YBEY: variants seen among roughly 807,000 people sequenced by gnomAD.
YBEY encodes the protein ybeY metalloendoribonuclease, also known as endoribonuclease YbeY.
YBEY carries 15 observed loss-of-function variants against 13.5 expected under a neutral mutation model. The ratio of observed to expected loss-of-function variants is 1.11; its 90% CI spans 0.75 to 1.72. The LOEUF (loss-of-function observed/expected upper bound fraction) is 1.72. YBEY is among the 40% of genes most tolerant of loss of function. The pLI is 0.00. For synonymous variants in YBEY, 101 were observed against 83.1 expected (o/e 1.21, Z -1.17); for missense variants, 244 against 208.4 (o/e 1.17, Z -1.05).
Position 46,291,328 on chromosome 21 carries a change from T to G in YBEY, c.211-6T>G, listed in dbSNP as rs763700865. 3 of 1,614,054 alleles carry G rather than the reference T, an allele frequency of 1.9e-6. No individual in the cohort carries two copies. Among genetic ancestry groups the G allele is most frequent in the Non-Finnish European group, 2.5e-6 (3 of 1,179,990 alleles). ...TTCTCTAAGTCTACATTTCCTCATT[T>G]TTTAGCATCTGAAAGCAGGTGAATT... On this transcript the variant is annotated splice_polypyrimidine_tract_variant and splice_region_variant and intron_variant, in intron 2 of 4. Transcript: ENST00000397701.
At position 46,295,703 on chromosome 21, in the gene YBEY, CAG is replaced by C. The variant is rs374176214; in HGVS notation, c.340-458_340-457del. Among the ~76,000 whole-genome samples the C allele has an allele frequency of 4.0e-3, 474 of 117,904 alleles. 4 individuals are homozygous for C. The highest frequency in any genetic ancestry group is 0.016 in the African/African-American group (453 of 28,160). 77.3% of individuals were successfully genotyped at this position (117,904 alleles called of 152,430 possible). A position where few individuals can be genotyped will look rare whatever the true frequency, so the allele number is the denominator to read the frequency against. On this transcript the variant is annotated intron_variant, in intron 3 of 4. Transcript: ENST00000397701. ...CTCTACCCAGAGTGTTCAGTAAAAT[CAG>C]GGGCCACCGGAGGCCCCATCCTGAC...
intron 2 of YBEY, among the ~76,000 whole-genome samples, chr21:46,290,605 T>A (rs62226489): frequency 6.6e-6 from 1 of 151,478 alleles, no homozygotes; most frequent in Admixed American, 6.6e-5. Context: ...GCCTGAGACA[T>A]GCATCTTAAG....
At chr21:46,306,293 G>GGAGGCCA in the YBEY span, among the ~76,000 whole-genome samples, 3 of 152,096 alleles carry the variant, frequency 2.0e-5, no homozygotes, top group East Asian at 3.9e-4. Context: ...TGGATCATGA[G>GGAGGCCA]GTTCAAGACC....
At chr21:46,303,034 C>G in the YBEY span, among the ~76,000 whole-genome samples, 1 of 152,100 alleles carries the variant, frequency 6.6e-6, no homozygotes, top group African/African-American at 2.4e-5. Flanking sequence ...CGTGGTGGTT[C>G]AAGCCTGTAA....
intron 2 of YBEY, among the ~76,000 whole-genome samples, chr21:46,288,606 A>G (rs62226479): frequency 0.41 from 62,047 of 151,706 alleles, 13,235 homozygotes; most frequent in Admixed American, 0.48. Flanking sequence ...TTGAACCAGG[A>G]AGTCGGAGGT....
intron 2 of YBEY, among the ~76,000 whole-genome samples, chr21:46,288,406 A>G (rs1427372769): frequency 2.0e-5 from 3 of 152,178 alleles, no homozygotes; most frequent in South Asian, 2.1e-4. Flanking sequence ...GGCCGGGTGC[A>G]GTGGCTCACG....
rs200793300 is a variant in YBEY, at chr21:46,297,557, G to A, written c.427G>A (p.Ala143Thr). The A allele has an allele frequency of 1.4e-5, 20 of 1,395,120 alleles. No homozygotes were observed. The East Asian group carries it at 6.0e-4, about 42-fold the overall frequency. 86.4% of individuals were successfully genotyped at this position (1,395,120 alleles called of 1,614,324 possible). A position where few individuals can be genotyped will look rare whatever the true frequency, so the allele number is the denominator to read the frequency against. ...CTTCCAGATGTTCCAGAAGGAGAAG[G>A]CGGTGCTGGACGAGCTGGGCCGACG... is the stretch of plus-strand genomic sequence containing the variant. ...EWQQMFQKEK[A>T]VLDELGRRTG... The change falls in exon 5 of 5, where the codon GCG becomes ACG. Residue 143 changes from alanine to threonine, a missense_variant. Coordinates refer to ENST00000397701, the MANE Select transcript of YBEY (RefSeq NM_001314025.2).
chr21:46,296,212 G>A lies in YBEY; in HGVS notation c.390G>A (p.Thr130=), dbSNP rs144279527. 39 of 1,613,662 alleles carry A rather than the reference G, an allele frequency of 2.4e-5. No individual in the cohort carries two copies. Among genetic ancestry groups the A allele is most frequent in the Admixed American group, 1.0e-4 (6 of 60,014 alleles). The part of the protein sequence containing the change: ...LCHLLGFTHG[T]EAEWQQMFQK... Reference sequence around the variant, plus strand: ...ACTTGCTGGGATTCACACACGGCACGGAGGCAGAGTGGCAGCAGGTAAGGA... The same window carrying A: ...ACTTGCTGGGATTCACACACGGCACAGAGGCAGAGTGGCAGCAGGTAAGGA... Residue 130 remains threonine (T), a synonymous_variant, in exon 4 of 5, where the codon ACG becomes ACA. Coordinates refer to ENST00000397701, the MANE Select transcript of YBEY (RefSeq NM_001314025.2).
chr21:46,291,060 G>T (rs973724721), intron 2 of YBEY, among the ~76,000 whole-genome samples: 1 of 150,732 alleles, frequency 6.6e-6, no homozygotes, highest in Non-Finnish European at 1.5e-5. Flanking sequence ...AGCTGGGCAC[G>T]GTGGCATGCA....
At chr21:46,308,706 G>T in the YBEY span, among the ~76,000 whole-genome samples, 433 of 152,160 alleles carry the variant, frequency 2.8e-3, 1 homozygote, top group Non-Finnish European at 4.6e-3. Flanking sequence ...CCTCAATGTG[G>T]CAGTATTGAG....
chr21:46,306,327 C>T, the YBEY span, among the ~76,000 whole-genome samples: 1 of 151,362 alleles, frequency 6.6e-6, no homozygotes, highest in Non-Finnish European at 1.5e-5. Flanking sequence ...GGTGAAACCC[C>T]GTCTCAACTA....
chr21:46,295,840 C>T (rs1339524189), intron 3 of YBEY, among the ~76,000 whole-genome samples: 2 of 151,964 alleles, frequency 1.3e-5, no homozygotes, highest in African/African-American at 4.8e-5. Flanking sequence ...GCACCCACCC[C>T]TCCCCACTTC....
chr21:46,303,756 T>TA, the YBEY span, among the ~76,000 whole-genome samples: 2 of 82,706 alleles, frequency 2.4e-5, 1 homozygote, highest in Non-Finnish European at 5.1e-5. Context: ...TTTTTTTTTT[T>TA]TTTTTTTTTT....
At chr21:46,299,180 C>T (rs149877485), downstream of YBEY, among the ~76,000 whole-genome samples, 363 of 151,984 alleles carry the variant, frequency 2.4e-3, 1 homozygote, top group African/African-American at 8.4e-3. Context: ...GTTGGCCGGG[C>T]AGGTCTCAAA....
intron 2 of YBEY, among the ~76,000 whole-genome samples, chr21:46,289,446 G>GTT (rs71187307): frequency 1.5e-4 from 21 of 140,296 alleles, no homozygotes; most frequent in Admixed American, 2.3e-4. Context: ...CAAGGGTTTT[G>GTT]TTTTTTTTTT....
chr21:46,289,139 G>A (rs763520944), intron 2 of YBEY, among the ~76,000 whole-genome samples: 2 of 152,188 alleles, frequency 1.3e-5, no homozygotes, highest in Non-Finnish European at 2.9e-5. Flanking sequence ...GGTCTTTATA[G>A]TCTTTATGTG....
downstream of YBEY, among the ~76,000 whole-genome samples, chr21:46,299,302 T>C (rs2145862485): frequency 6.6e-6 from 1 of 152,202 alleles, no homozygotes; most frequent in African/African-American, 2.4e-5. Context: ...TGTGAGCAAA[T>C]GCCCTTCTGA....
At chr21:46,311,743 C>A in the YBEY span, 1 of 445,956 alleles carries the variant, frequency 2.2e-6, no homozygotes, top group Admixed American at 3.6e-5. Flanking sequence ...AACCAACCAT[C>A]CACCCACTCA....
rs574576440 is a variant in YBEY at position 46,296,611 on chromosome 21, G to C, written c.408+381G>C. On this transcript the variant is annotated intron_variant, in intron 4 of 4. Coordinates refer to ENST00000397701, the MANE Select transcript of YBEY (RefSeq NM_001314025.2). ...GCTCCGCCTACGGAGGCCCACGTGG[G>C]CTCCGGTCCACATGGTTAACACGCA... 9.2e-5 allele frequency among the ~76,000 whole-genome samples: 14 copies of C among 152,308 alleles called. No individual in the cohort carries two copies. In the East Asian group the frequency reaches 2.7e-3, roughly 29 times the overall value.
Sources: allele counts gnomAD v4.1 joint callset (sites outside exome capture counted in the v4.1 genomes callset), GRCh38; gene constraint gnomAD v4.1.1; transcripts MANE v1.5; gene names NCBI Gene and HGNC (gene_info 2026-07-23, HGNC 2026-07-21).